The following SPOCK1 variants were observed in gnomAD, a reference collection of about 807,000 sequenced individuals.
SPOCK1 encodes the protein testican-1.
A neutral mutation model predicts 55.3 loss-of-function variants in SPOCK1; 23 were observed. That is an observed-to-expected ratio of 0.42 (90% CI 0.30 to 0.59). The LOEUF (loss-of-function observed/expected upper bound fraction) is 0.59. Among genes scored for constraint, SPOCK1 ranks in the 20% least tolerant of loss-of-function variants. The probability of loss-of-function intolerance (pLI) is 0.22; values close to 1 mark genes in which losing one functional copy is unlikely to be tolerated. For synonymous variants in SPOCK1, 226 were observed against 221.0 expected, an observed-to-expected ratio of 1.02 and a Z score of -0.20; for missense variants, 499 against 552.5, an observed-to-expected ratio of 0.90 and a Z score of 0.97.
intron 2 of SPOCK1, among the ~76,000 whole-genome samples, chr5:137,374,920 C>G (rs1215104874): frequency 1.3e-5 from 2 of 152,148 alleles, no homozygotes; most frequent in Non-Finnish European, 2.9e-5. Context: ...ACAAGCTAAA[C>G]TGCTTCACCT....
At chr5:137,351,920 C>T (rs1366658424) in intron 2 of SPOCK1, among the ~76,000 whole-genome samples, 1 of 152,168 alleles carries the variant, frequency 6.6e-6, no homozygotes, top group African/African-American at 2.4e-5. Context: ...CTAGATGGCA[C>T]AGTGGAGAAC....
intron 2 of SPOCK1, among the ~76,000 whole-genome samples, chr5:137,432,151 G>A (rs1378450649): frequency 6.6e-6 from 1 of 152,208 alleles, no homozygotes; most frequent in African/African-American, 2.4e-5. Flanking sequence ...GTGCACCACT[G>A]ATGGGAGAGT....
At chr5:137,000,928 T>C (rs1416044264) in intron 6 of SPOCK1, among the ~76,000 whole-genome samples, 1 of 152,090 alleles carries the variant, frequency 6.6e-6, no homozygotes, top group Non-Finnish European at 1.5e-5. Context: ...CCAGCTACTC[T>C]GGAGGCTGAG....
intron 3 of SPOCK1, among the ~76,000 whole-genome samples, chr5:137,245,966 A>C (rs541892717): frequency 1.8e-4 from 27 of 152,326 alleles, no homozygotes; most frequent in Non-Finnish European, 3.2e-4. Flanking sequence ...ACCAACATGC[A>C]TGCCTATAAT....
intron 2 of SPOCK1, among the ~76,000 whole-genome samples, chr5:137,477,291 C>G (rs928225967): frequency 1.3e-5 from 2 of 152,030 alleles, no homozygotes; most frequent in African/African-American, 2.4e-5. Flanking sequence ...CTTGGGGTGA[C>G]AGGATTACAG....
intron 6 of SPOCK1, among the ~76,000 whole-genome samples, chr5:137,024,681 C>T (rs920270041): frequency 9.2e-5 from 14 of 151,792 alleles, no homozygotes; most frequent in African/African-American, 3.4e-4. Flanking sequence ...ATCCACTGAT[C>T]TCATGATATG....
At chr5:137,309,646 T>C (rs1158923346) in intron 2 of SPOCK1, among the ~76,000 whole-genome samples, 2 of 152,160 alleles carry the variant, frequency 1.3e-5, no homozygotes, top group African/African-American at 2.4e-5. Context: ...TATCTGTTAA[T>C]AACAAACTCA....
intron 3 of SPOCK1, among the ~76,000 whole-genome samples, chr5:137,152,056 T>C (rs1406204950): frequency 6.6e-6 from 1 of 152,226 alleles, no homozygotes; most frequent in Non-Finnish European, 1.5e-5. Context: ...GAAGCCATCA[T>C]GACAAAGTTA....
At chr5:137,122,523 C>G (rs2127038804) in intron 4 of SPOCK1, among the ~76,000 whole-genome samples, 1 of 152,322 alleles carries the variant, frequency 6.6e-6, no homozygotes, top group East Asian at 1.9e-4. Flanking sequence ...TGTTTTGCTA[C>G]TTTACTTTTT....
intron 2 of SPOCK1, among the ~76,000 whole-genome samples, chr5:137,384,569 T>TATATATA (rs1211027618): frequency 7.0e-6 from 1 of 141,852 alleles, no homozygotes; most frequent in Non-Finnish European, 1.5e-5. Context: ...CATACATATA[T>TATATATA]ATATATATAT....
chr5:137,058,619 A>G (rs1478635824), intron 6 of SPOCK1, among the ~76,000 whole-genome samples: 2 of 152,226 alleles, frequency 1.3e-5, no homozygotes, highest in African/African-American at 4.8e-5. Flanking sequence ...GACAATAAAG[A>G]AAAAAGGTAA....
chr5:137,019,592 C>T (rs1241492387), intron 6 of SPOCK1, among the ~76,000 whole-genome samples: 1 of 152,010 alleles, frequency 6.6e-6, no homozygotes, highest in African/African-American at 2.4e-5. Context: ...CGTTGTGCCT[C>T]AATCTTTTCT....
In SPOCK1 at chr5:137,428,101, T is replaced by C. The variant is rs546862507; in HGVS notation, c.186+70272A>G. Among the ~76,000 whole-genome samples, 4 of 152,186 alleles carry C rather than the reference T, an allele frequency of 2.6e-5. No homozygotes were observed. The South Asian group carries it at 8.3e-4, about 32-fold the overall frequency. On this transcript the variant is annotated intron_variant, in intron 2 of 10. Transcript: ENST00000394945. ...GACTTTCTATGGATAAGCCAAGCCA[T>C]GACCCAGCACAAGTCACTCCCTGGG...
At chr5:137,375,047 T>C (rs952347138) in intron 2 of SPOCK1, among the ~76,000 whole-genome samples, 2 of 152,174 alleles carry the variant, frequency 1.3e-5, no homozygotes, top group Admixed American at 6.5e-5. Flanking sequence ...GGACTCTATA[T>C]GAAATTTCCT....
intron 7 of SPOCK1, among the ~76,000 whole-genome samples, chr5:136,990,842 G>A (rs1318633396): frequency 6.6e-6 from 1 of 152,140 alleles, no homozygotes; most frequent in Non-Finnish European, 1.5e-5. Context: ...GTCAAGCGCA[G>A]CCCACCCTAC....
At chr5:137,241,109 G>A (rs1028336184) in intron 3 of SPOCK1, among the ~76,000 whole-genome samples, 3 of 152,260 alleles carry the variant, frequency 2.0e-5, no homozygotes, top group Non-Finnish European at 4.4e-5. Context: ...AAATTGAGGG[G>A]TGGTGGGAGC....
intron 4 of SPOCK1, among the ~76,000 whole-genome samples, chr5:137,124,854 AG>A (rs1753757925): frequency 6.6e-6 from 1 of 152,188 alleles, no homozygotes; most frequent in Non-Finnish European, 1.5e-5. Flanking sequence ...CAAAGAGAGA[AG>A]GCCCTAAATA....
chr5:137,453,281 T>C (rs2149835339), intron 2 of SPOCK1, among the ~76,000 whole-genome samples: 1 of 152,306 alleles, frequency 6.6e-6, no homozygotes, highest in African/African-American at 2.4e-5. Flanking sequence ...TAAAAAGCAG[T>C]GCAGGAAATT....
intron 6 of SPOCK1, among the ~76,000 whole-genome samples, chr5:136,995,384 C>T (rs1751021242): frequency 6.6e-6 from 1 of 152,134 alleles, no homozygotes; most frequent in Non-Finnish European, 1.5e-5. Flanking sequence ...AGCCCAGGTG[C>T]CAAGGCAGAT....
Sources: gnomAD v4.1 joint callset for allele counts (sites outside exome capture counted in the v4.1 genomes callset) on GRCh38, gnomAD v4.1.1 for gene constraint, MANE v1.5 for transcripts, NCBI Gene and HGNC (gene_info 2026-07-23, HGNC 2026-07-21) for gene names.